NAV3: variants seen among roughly 807,000 people sequenced by gnomAD.
The protein encoded by NAV3 is pore membrane and/or filament interacting like protein 1.
A neutral mutation model predicts 244.7 loss-of-function variants in NAV3; 87 were observed. The observed-to-expected ratio is 0.36, with a 90% CI of 0.30 to 0.42. The LOEUF (loss-of-function observed/expected upper bound fraction) is 0.42, where lower values mean the gene tolerates loss of function less well. NAV3 is among the 20% of genes least tolerant of loss of function. The probability of loss-of-function intolerance (pLI) is 1.00; values close to 1 mark genes in which losing one functional copy is unlikely to be tolerated. For missense variants in NAV3, 2,663 were observed against 2,893.3 expected, an observed-to-expected ratio of 0.92 and a Z score of 1.83; for synonymous variants, 1,126 against 1,042.2, an observed-to-expected ratio of 1.08 and a Z score of -1.55.
intron 5 of NAV3, among the ~76,000 whole-genome samples, chr12:77,986,359 C>G (rs1870508718): frequency 6.6e-6 from 1 of 152,058 alleles, no homozygotes; most frequent in African/African-American, 2.4e-5. Flanking sequence ...AAAACTCCAT[C>G]TCAAATAATA....
intron 5 of NAV3, among the ~76,000 whole-genome samples, chr12:77,993,697 T>TC (rs1190218487): frequency 1.3e-5 from 1 of 75,490 alleles, no homozygotes; most frequent in Non-Finnish European, 2.7e-5. Context: ...TAAGTAATCC[T>TC]TTCCTTGACT....
At chr12:77,687,692 G>A (rs1482997489) in intron 2 of NAV3, among the ~76,000 whole-genome samples, 1 of 152,038 alleles carries the variant, frequency 6.6e-6, no homozygotes, top group African/African-American at 2.4e-5. Flanking sequence ...GAAAAAACTG[G>A]ACTATTAGAC....
intron 1 of NAV3, among the ~76,000 whole-genome samples, chr12:77,934,792 A>G (rs1889166021): frequency 6.6e-6 from 1 of 152,240 alleles, no homozygotes; most frequent in African/African-American, 2.4e-5. Flanking sequence ...GTGCTTATAG[A>G]AATGTAATGC....
intron 2 of NAV3, among the ~76,000 whole-genome samples, chr12:77,716,842 GA>G (rs1346480365): frequency 1.3e-5 from 2 of 151,950 alleles, no homozygotes; most frequent in African/African-American, 2.4e-5. Flanking sequence ...AAGCTATCAT[GA>G]ATATTAAATG....
At chr12:78,186,928 G>C (rs1455184901) in intron 31 of NAV3, among the ~76,000 whole-genome samples, 1 of 151,806 alleles carries the variant, frequency 6.6e-6, no homozygotes, top group Non-Finnish European at 1.5e-5. Flanking sequence ...GGTAGGAAGA[G>C]AGAAAGACTA....
intron 9 of NAV3, among the ~76,000 whole-genome samples, chr12:78,045,399 G>A (rs541862285): frequency 7.9e-5 from 12 of 152,120 alleles, no homozygotes; most frequent in South Asian, 6.2e-4. Flanking sequence ...AAGTACAAGC[G>A]ATTCTCCTGC....
At chr12:77,873,744 GTATATATATA>G (rs556787799) in intron 1 of NAV3, among the ~76,000 whole-genome samples, 2 of 73,182 alleles carry the variant, frequency 2.7e-5, no homozygotes. Flanking sequence ...ATGTGTGTGT[GTATATATATA>G]TATATATATA....
chr12:78,042,543 A>G (rs1043950281), intron 9 of NAV3, among the ~76,000 whole-genome samples: 3 of 151,940 alleles, frequency 2.0e-5, no homozygotes, highest in Non-Finnish European at 4.4e-5. Context: ...CTGAAATCCC[A>G]GCACTTTGGG....
chr12:77,677,660 A>G (rs1874266736), intron 2 of NAV3, among the ~76,000 whole-genome samples: 1 of 152,222 alleles, frequency 6.6e-6, no homozygotes, highest in African/African-American at 2.4e-5. Context: ...AGAAGATAAA[A>G]TGAGATGTGT....
intron 5 of NAV3, among the ~76,000 whole-genome samples, chr12:77,971,693 A>T (rs1236876893): frequency 1.3e-5 from 2 of 152,130 alleles, no homozygotes; most frequent in East Asian, 3.9e-4. Context: ...ATAAATCATG[A>T]TTTATGATGC....
chr12:77,802,991 T>C (rs7315824), intron 2 of NAV3, among the ~76,000 whole-genome samples: 148,582 of 152,294 alleles, frequency 0.98, 72,607 homozygotes, highest in East Asian at 1. Context: ...TTGAAGACAC[T>C]TTAGGATAGT....
At chr12:78,179,309 A>G (rs1185055781) in intron 28 of NAV3, 9 of 448,090 alleles carry the variant, frequency 2.0e-5, no homozygotes, top group Non-Finnish European at 3.5e-5. Context: ...TAAACTTTAA[A>G]AAATAGAAAA....
intron 1 of NAV3, among the ~76,000 whole-genome samples, chr12:77,901,987 G>T (rs1885353101): frequency 6.6e-6 from 1 of 152,144 alleles, no homozygotes; most frequent in Non-Finnish European, 1.5e-5. Flanking sequence ...TGGGGAAGAA[G>T]ATATAGGAAT....
chr12:77,724,681 T>A (rs1171535820), intron 2 of NAV3, among the ~76,000 whole-genome samples: 1 of 151,882 alleles, frequency 6.6e-6, no homozygotes, highest in Non-Finnish European at 1.5e-5. Flanking sequence ...GGTTTTCATA[T>A]GGTATCAATA....
chr12:78,179,605 T>G lies in NAV3; in HGVS notation c.5440T>G (p.Leu1814Val). Reference sequence around the variant, plus strand: ...CGAGCTCAGAGAAAAGGAATTAAAATTAACGGATATTCGGCTGGAGGCCCT... The same window carrying G: ...CGAGCTCAGAGAAAAGGAATTAAAAGTAACGGATATTCGGCTGGAGGCCCT... Reference protein sequence around the residue: ...KSELREKELKLTDIRLEALSS... With the variant: ...KSELREKELKVTDIRLEALSS... Residue 1814 changes from leucine (L) to valine (V), a missense_variant, in exon 29 of 40, where the codon TTA (leucine) becomes GTA (valine). This residue lies in a region of NAV3 where 193 missense variants were observed against 200.7 expected (regional missense o/e 0.96). Transcript: ENST00000397909. The G allele has an allele frequency of 6.2e-7, 1 of 1,613,408 alleles. No individual in the cohort carries two copies. The highest frequency in any genetic ancestry group is 8.5e-7 in the Non-Finnish European group (1 of 1,179,550).
chr12:77,734,468 C>G (rs1176253652), intron 2 of NAV3, among the ~76,000 whole-genome samples: 1 of 152,032 alleles, frequency 6.6e-6, no homozygotes, highest in African/African-American at 2.4e-5. Flanking sequence ...AATACCCGGT[C>G]TAGAATGAAA....
chr12:78,193,752 T>A (rs1186781126), intron 34 of NAV3, among the ~76,000 whole-genome samples: 1 of 152,136 alleles, frequency 6.6e-6, no homozygotes, highest in Non-Finnish European at 1.5e-5. Context: ...CATCCATTGC[T>A]TTATACCTAC....
chr12:77,792,871 A>G (rs909141299), intron 2 of NAV3, among the ~76,000 whole-genome samples: 3 of 152,292 alleles, frequency 2.0e-5, no homozygotes, highest in African/African-American at 7.2e-5. Context: ...GCCAGTAAAT[A>G]ATCTGATCCC....
chr12:77,658,457 G>C (rs2137023406), intron 2 of NAV3, among the ~76,000 whole-genome samples: 1 of 146,114 alleles, frequency 6.8e-6, no homozygotes, highest in East Asian at 2.1e-4. Flanking sequence ...TGAAATAAAA[G>C]AGGATAGAAA....
Sources: gnomAD v4.1 joint callset for allele counts (sites outside exome capture counted in the v4.1 genomes callset) on GRCh38, gnomAD v4.1.1 for gene constraint, gnomAD v4.1.1 regional missense constraint, MANE v1.5 for transcripts, NCBI Gene and HGNC (gene_info 2026-07-23, HGNC 2026-07-21) for gene names.